The following MYSM1 variants were observed in gnomAD, a reference collection of about 807,000 sequenced individuals.
The protein encoded by MYSM1 is deubiquitinase MYSM1.
In MYSM1, 51 loss-of-function variants were observed where a neutral mutation model predicts 116.0. That is an observed-to-expected ratio of 0.44 (90% confidence interval 0.35 to 0.56). The LOEUF (loss-of-function observed/expected upper bound fraction) is 0.56, where lower values mean the gene tolerates loss of function less well. MYSM1 is among the 20% of genes least tolerant of loss of function. The pLI is 0.00. For missense variants in MYSM1, 900 were observed against 974.9 expected (o/e 0.92, Z 1.02); for synonymous variants, 313 against 315.2 (o/e 0.99, Z 0.07).
At chr1:58,694,462 A>C (rs1644944843) in intron 2 of MYSM1, among the ~76,000 whole-genome samples, 1 of 151,990 alleles carries the variant, frequency 6.6e-6, no homozygotes, top group African/African-American at 2.4e-5. Flanking sequence ...CTCTATGAAA[A>C]ATACAAAAAT....
Position 58,657,223 on chromosome 1 carries a change from C to A in MYSM1, c.*2774G>T, listed in dbSNP as rs1477557533. Reference sequence around the variant, plus strand: ...ACTGGGGAAGCGCTAGTGTCGATTTCCATTAGCCAAGCCAGAAAAAAAAAA... The same window carrying A: ...ACTGGGGAAGCGCTAGTGTCGATTTACATTAGCCAAGCCAGAAAAAAAAAA... On this transcript the variant is annotated 3_prime_UTR_variant, in exon 20 of 20. Coordinates refer to ENST00000472487, the MANE Select transcript of MYSM1 (RefSeq NM_001085487.3). 7.7e-6 allele frequency: 1 copy of A among 130,600 alleles called. No homozygotes were observed. The highest frequency in any genetic ancestry group is 8.5e-5 in the Admixed American group (1 of 11,834). The allele number at this position is 130,600 out of a possible 1,614,324, so 8.1% of individuals were successfully genotyped here. A position where few individuals can be genotyped will look rare whatever the true frequency, so the allele number is the denominator to read the frequency against.
Position 58,656,432 on chromosome 1 carries a change from T to G in MYSM1, c.*3565A>C, listed in dbSNP as rs964287104. 2 of 151,954 alleles carry G rather than the reference T, an allele frequency of 1.3e-5. No individual in the cohort carries two copies. The highest frequency in any genetic ancestry group is 4.8e-5 in the African/African-American group (2 of 41,328). The allele number at this position is 151,954 out of a possible 1,614,324, so 9.4% of individuals were successfully genotyped here. On this transcript the variant is annotated 3_prime_UTR_variant, in exon 20 of 20. Transcript: ENST00000472487. ...GATGAAGGAAAGGGTTTGTGGGAAA[T>G]GGAGAGGAAAGAAAGGTAGTAGGAT...
At chr1:58,661,109 T>C (rs574458823) in intron 19 of MYSM1, 61 bp downstream of exon 19, 18 of 1,240,420 alleles carry the variant, frequency 1.5e-5, no homozygotes, top group African/African-American at 4.5e-5. Flanking sequence ...GGAAAACACA[T>C]TGAGATGAAT....
chr1:58,668,775 C>T, intron 13 of MYSM1, 93 bp from the exon 14 acceptor site: 2 of 1,181,810 alleles, frequency 1.7e-6, no homozygotes, highest in Non-Finnish European at 2.4e-6. Context: ...CTCCTTTATC[C>T]ACCCCACCAA....
chr1:58,666,526 G>GGA (rs1553135194), intron 16 of MYSM1, among the ~76,000 whole-genome samples: 1 of 145,758 alleles, frequency 6.9e-6, no homozygotes, highest in African/African-American at 2.5e-5. Context: ...CTTGCAATCA[G>GGA]AAAAAAAAAT....
At position 58,667,072 on chromosome 1, in the gene MYSM1, G is replaced by A; in HGVS notation, c.1997C>T (p.Ser666Phe). The A allele has an allele frequency of 6.2e-7, 1 of 1,612,134 alleles. No homozygotes were observed. The highest frequency in any genetic ancestry group is 8.5e-7 in the Non-Finnish European group (1 of 1,178,906). ...HSHPAFDPNP[S>F]LRDIDTQAKY... is the part of the protein sequence containing the mutation. ...AGCTTGTGTGTCAATATCTCGTAAG[G>A]AAGGATTAGGATCAAAAGCAGGATG... The change falls in exon 16 of 20, where the codon TCC becomes TTC. Residue 666 changes from serine to phenylalanine, a missense_variant. Physicochemically the swap from Ser to Phe is radical, Grantham distance 155. This residue lies in a region of MYSM1 where 186 missense variants were observed against 196.2 expected (regional missense o/e 0.95). Coordinates refer to ENST00000472487, the MANE Select transcript of MYSM1 (RefSeq NM_001085487.3).
intron 16 of MYSM1, among the ~76,000 whole-genome samples, chr1:58,666,781 G>A (rs1211028620): frequency 6.6e-6 from 1 of 151,366 alleles, no homozygotes; most frequent in African/African-American, 2.4e-5. Context: ...GGCTGAGGCA[G>A]GAGAATCACT....
At chr1:58,695,660 GAA>G (rs34226722) in intron 1 of MYSM1, among the ~76,000 whole-genome samples, 1 of 138,014 alleles carries the variant, frequency 7.2e-6, no homozygotes, top group African/African-American at 2.7e-5. Flanking sequence ...TAAAATGAAA[GAA>G]AAAAAAAAAA....
chr1:58,690,289 G>A (rs1457748022), intron 4 of MYSM1, 40 bp from the exon 5 acceptor site: 2 of 1,580,428 alleles, frequency 1.3e-6, no homozygotes, highest in Non-Finnish European at 1.7e-6. Context: ...AGCGTGTGAG[G>A]TTTCTAAAAC....
intron 1 of MYSM1, among the ~76,000 whole-genome samples, chr1:58,698,105 T>TTATTTATTTA (rs1553140025): frequency 1.7e-5 from 1 of 58,072 alleles, no homozygotes; most frequent in Non-Finnish European, 3.9e-5. Flanking sequence ...TATATATATT[T>TTATTTATTTA]TTTTTTTTTT....
At chr1:58,698,584 A>C (rs1421714551) in intron 1 of MYSM1, among the ~76,000 whole-genome samples, 1 of 152,166 alleles carries the variant, frequency 6.6e-6, no homozygotes, top group Non-Finnish European at 1.5e-5. Flanking sequence ...AGATAAATCT[A>C]TGGAAGAAGC....
intron 2 of MYSM1, 26 bp from the exon 3 acceptor site, chr1:58,692,957 CTTTT>C: frequency 6.5e-7 from 1 of 1,544,628 alleles, no homozygotes; most frequent in Non-Finnish European, 8.8e-7. Flanking sequence ...ATATATTTGT[CTTTT>C]TATTTATTGC....
At position 58,661,429 on chromosome 1, in the gene MYSM1, T is replaced by C. The variant is rs1392193050; in HGVS notation, c.2247A>G (p.Ile749Met). 5 of 1,595,652 alleles carry C rather than the reference T, an allele frequency of 3.1e-6. No homozygotes were observed. Among genetic ancestry groups the C allele is most frequent in the Non-Finnish European group, 4.3e-6 (5 of 1,163,662 alleles). Reference sequence around the variant, plus strand: ...ACCTATGGGAGAGCCTGTATTTTTCTATTATCCATCTTGTCTTTTCAAATA... The same window carrying C: ...ACCTATGGGAGAGCCTGTATTTTTCCATTATCCATCTTGTCTTTTCAAATA... The part of the protein sequence containing the change: ...GLVFEKTRWI[I>M]EKYRLSHSSV... Residue 749 changes from isoleucine to methionine, a missense_variant, in exon 18 of 20, where the codon ATA becomes ATG. Ile to Met is a conservative substitution (Grantham distance 10). Coordinates refer to ENST00000472487, the MANE Select transcript of MYSM1 (RefSeq NM_001085487.3).
chr1:58,690,483 C>T (rs12076049), intron 3 of MYSM1, 66 bp from the exon 4 acceptor site: 652,962 of 1,110,844 alleles, frequency 0.59, 193,086 homozygotes, highest in East Asian at 0.62. Context: ...ATTACTTATA[C>T]AAAACGTGTG....
At position 58,672,752 on chromosome 1, in the gene MYSM1, T is replaced by C. The variant is rs567629535; in HGVS notation, c.1573-794A>G. Reference sequence around the variant, plus strand: ...CCTTCAGATCAGATTATACCCCACATACTCTACGAAACCTGCCCTGATCAC... The same window carrying C: ...CCTTCAGATCAGATTATACCCCACACACTCTACGAAACCTGCCCTGATCAC... On this transcript the variant is annotated intron_variant, in intron 11 of 19. Coordinates refer to ENST00000472487, the MANE Select transcript of MYSM1 (RefSeq NM_001085487.3). Among the ~76,000 whole-genome samples, 32 of 152,236 alleles carry C rather than the reference T, an allele frequency of 2.1e-4. No individual in the cohort carries two copies. In the South Asian group the frequency reaches 6.6e-3, roughly 32 times the overall value.
At chr1:58,683,505 A>G (rs1644779485) in intron 7 of MYSM1, among the ~76,000 whole-genome samples, 1 of 152,250 alleles carries the variant, frequency 6.6e-6, no homozygotes, top group East Asian at 1.9e-4. Context: ...TTAAGCCATA[A>G]AAGTATCTCC....
rs777397633 is a variant in MYSM1 at position 58,682,243 on chromosome 1, G to A, written c.801C>T (p.Ser267=). ...AAGACTTAGAAAAGAGAGCTTCCTG[G>A]CTGTCAGAAGTAATGAATTCTCCTT... ...TNQGEFITSD[S]QEALFSKSSR... is the part of the protein sequence containing the mutation. The change falls in exon 8 of 20, where the codon AGC becomes AGT. Residue 267 remains serine (S), a synonymous_variant. Transcript: ENST00000472487. The A allele has an allele frequency of 6.8e-6, 11 of 1,612,344 alleles. No individual in the cohort carries two copies. In the South Asian group the frequency reaches 1.1e-4, roughly 16 times the overall value.
intron 2 of MYSM1, 97 bp from the exon 3 acceptor site, chr1:58,693,028 A>G: frequency 1.1e-6 from 1 of 950,720 alleles, no homozygotes; most frequent in Non-Finnish European, 1.6e-6. Context: ...ATGATTATAA[A>G]TGACAGTCAC....
intron 3 of MYSM1, chr1:58,692,415 T>C (rs1644916796): frequency 6.5e-6 from 1 of 152,728 alleles, no homozygotes; most frequent in Non-Finnish European, 1.5e-5. Flanking sequence ...CATTCTATAG[T>C]ATTTGTTTTG....
Sources: gnomAD v4.1 joint callset for allele counts (sites outside exome capture counted in the v4.1 genomes callset) on GRCh38, gnomAD v4.1.1 for gene constraint, gnomAD v4.1.1 regional missense constraint, MANE v1.5 for transcripts, NCBI Gene and HGNC (gene_info 2026-07-23, HGNC 2026-07-21) for gene names.